CAMK2B: variants seen among roughly 807,000 people sequenced by gnomAD.
CAMK2B encodes the protein calcium/calmodulin-dependent protein kinase type II subunit beta.
In CAMK2B, 27 loss-of-function variants were observed where a neutral mutation model predicts 93.7. The ratio of observed to expected loss-of-function variants is 0.29; its 90% CI spans 0.21 to 0.40. The LOEUF is 0.40. CAMK2B is among the 10% of genes least tolerant of loss of function. CAMK2B has a pLI of 1.00. For synonymous variants in CAMK2B, 374 were observed against 358.8 expected, an observed-to-expected ratio of 1.04 and a Z score of -0.48; for missense variants, 568 against 895.8, an observed-to-expected ratio of 0.63 and a Z score of 4.67.
intron 1 of CAMK2B, among the ~76,000 whole-genome samples, chr7:44,300,344 T>C (rs988176549): frequency 6.6e-6 from 1 of 152,046 alleles, no homozygotes; most frequent in Non-Finnish European, 1.5e-5. Context: ...CTATATATAG[T>C]AGAGACACGG....
At chr7:44,246,442 G>C (rs542708695) in intron 6 of CAMK2B, among the ~76,000 whole-genome samples, 17 of 151,280 alleles carry the variant, frequency 1.1e-4, no homozygotes, top group Admixed American at 8.5e-4. Flanking sequence ...TGCCCACACA[G>C]ACACACACAC....
chr7:44,234,064 G>A (rs1221814541), intron 15 of CAMK2B, among the ~76,000 whole-genome samples: 1 of 152,194 alleles, frequency 6.6e-6, no homozygotes, highest in Non-Finnish European at 1.5e-5. Context: ...CTGCCTCACT[G>A]ACTTCCTGAA....
intron 5 of CAMK2B, among the ~76,000 whole-genome samples, chr7:44,249,865 T>C (rs2128995996): frequency 6.6e-6 from 1 of 152,224 alleles, no homozygotes; most frequent in Non-Finnish European, 1.5e-5. Context: ...GACTCCACAG[T>C]TGGCTCGCCC....
At position 44,220,245 on chromosome 7, in the gene CAMK2B, G is replaced by A. The variant is rs747922885; in HGVS notation, c.1818C>T (p.His606=). 48 of 1,613,206 alleles carry A rather than the reference G, an allele frequency of 3.0e-5. 1 individual carries two copies. Among genetic ancestry groups the A allele is most frequent in the South Asian group, 9.9e-5 (9 of 91,084 alleles). ...CGGCATCCTCTCCAATGACGTGCAC[G>A]TGTGGGTTCAGGATGGTCGTGTGGA... ...KPIHTTILNP[H]VHVIGEDAAC... The change falls in exon 23 of 24, where the codon CAC becomes CAT. Residue 606 remains histidine, a synonymous_variant. Transcript: ENST00000395749.
intron 1 of CAMK2B, among the ~76,000 whole-genome samples, chr7:44,303,482 G>A (rs931839358): frequency 2.6e-5 from 4 of 152,138 alleles, no homozygotes; most frequent in African/African-American, 4.8e-5. Context: ...AAAGTCTGAG[G>A]TTTGTGAATA....
chr7:44,278,921 G>T lies in CAMK2B; in HGVS notation c.160+5210C>A, dbSNP rs376638998. Among the ~76,000 whole-genome samples the T allele has an allele frequency of 1.5e-4, 23 of 152,334 alleles. No homozygotes were observed. The East Asian group carries it at 2.7e-3, about 18-fold the overall frequency. ...GCTCCACTGTGATCTATGCTGTGTGGCTACAGCGGGGCCCCCGGGGTGTGA... is the reference window on the plus strand; with the variant it reads ...GCTCCACTGTGATCTATGCTGTGTGTCTACAGCGGGGCCCCCGGGGTGTGA... On this transcript the variant is annotated intron_variant, in intron 2 of 23. Transcript: ENST00000395749.
At position 44,218,897 on chromosome 7, in the gene CAMK2B, C is replaced by A. The variant is rs2096364073; in HGVS notation, c.*628G>T. The A allele has an allele frequency of 6.6e-6, 1 of 152,246 alleles. No homozygotes were observed. The highest frequency in any genetic ancestry group is 2.4e-5 in the African/African-American group (1 of 41,416). 9.4% of individuals were successfully genotyped at this position (152,246 alleles called of 1,614,324 possible). A position where few individuals can be genotyped will look rare whatever the true frequency, so the allele number is the denominator to read the frequency against. On this transcript the variant is annotated 3_prime_UTR_variant, in exon 24 of 24. Transcript: ENST00000395749. ...GTGGGGATACCGGGCACGGAAAACC[C>A]ACACCTAGCCCTTCAGGGGATGAAA...
intron 6 of CAMK2B, among the ~76,000 whole-genome samples, chr7:44,245,609 G>A (rs1332081482): frequency 1.3e-5 from 2 of 152,130 alleles, no homozygotes; most frequent in East Asian, 3.9e-4. Context: ...GGAGCACCTG[G>A]GGGCCCCCTC....
At chr7:44,276,018 T>C (rs2097033260) in intron 2 of CAMK2B, among the ~76,000 whole-genome samples, 2 of 151,702 alleles carry the variant, frequency 1.3e-5, no homozygotes, top group South Asian at 4.1e-4. Flanking sequence ...GGGTCCAAGC[T>C]CTAAAGCTGT....
chr7:44,316,699 A>G (rs1794901001), intron 1 of CAMK2B, among the ~76,000 whole-genome samples: 1 of 152,200 alleles, frequency 6.6e-6, no homozygotes, highest in Non-Finnish European at 1.5e-5. Flanking sequence ...TACTTGTTAT[A>G]GGTCTATTCA....
chr7:44,229,495 C>T lies in CAMK2B; in HGVS notation c.1232G>A (p.Arg411Lys), dbSNP rs1554364694. 1 of 1,430,744 alleles carries T rather than the reference C, an allele frequency of 7.0e-7. No individual in the cohort carries two copies. Among genetic ancestry groups the T allele is most frequent in the Non-Finnish European group, 9.2e-7 (1 of 1,089,906 alleles). 88.6% of individuals were successfully genotyped at this position (1,430,744 alleles called of 1,614,324 possible). Residue 411 changes from arginine to lysine, a missense_variant, in exon 18 of 24, where the codon AGG becomes AAG. Transcript: ENST00000395749. ...TIEDEDAKAP[R>K]VPDILSSVRR... ...CACTGAGCTCAGGATGTCGGGGACCCTGGGGGCTGAGGCGGAACAGGTGAG... is the reference window on the plus strand; with the variant it reads ...CACTGAGCTCAGGATGTCGGGGACCTTGGGGGCTGAGGCGGAACAGGTGAG...
chr7:44,222,992 TGAG>T (rs1370045731), intron 20 of CAMK2B, among the ~76,000 whole-genome samples: 3 of 152,198 alleles, frequency 2.0e-5, no homozygotes, highest in African/African-American at 4.8e-5. Flanking sequence ...CGATGGCACC[TGAG>T]GAGTGGGGTG....
chr7:44,223,471 T>C (rs2096437017), intron 20 of CAMK2B, among the ~76,000 whole-genome samples: 1 of 152,162 alleles, frequency 6.6e-6, no homozygotes, highest in Non-Finnish European at 1.5e-5. Context: ...ACGAGTCCCA[T>C]TCCTGCCCCA....
intron 2 of CAMK2B, among the ~76,000 whole-genome samples, chr7:44,265,433 G>A (rs754924763): frequency 8.5e-5 from 13 of 152,230 alleles, no homozygotes; most frequent in Admixed American, 2.0e-4. Context: ...ACATCGCCAC[G>A]GGACGTGTGG....
rs1554345535 is a variant in CAMK2B, at chr7:44,219,283, G to GC, written c.*241_*242insG. Reference sequence around the variant, plus strand: ...CTTTTTCCTTCCTTTAGTTTTTTTTGTTTTTTTTTTTTTTCATTTCATCTG... The same window carrying GC: ...CTTTTTCCTTCCTTTAGTTTTTTTTGCTTTTTTTTTTTTTTCATTTCATCTG... On this transcript the variant is annotated 3_prime_UTR_variant, in exon 24 of 24. Transcript: ENST00000395749. The GC allele has an allele frequency of 1.2e-5, 1 of 81,666 alleles. No homozygotes were observed. The highest frequency in any genetic ancestry group is 2.4e-5 in the Non-Finnish European group (1 of 41,578). The allele number at this position is 81,666 out of a possible 1,614,324, so 5.1% of individuals were successfully genotyped here.
At chr7:44,242,363 G>C (rs558563163) in intron 9 of CAMK2B, 23 bp from the exon 10 acceptor site, 1 of 1,606,870 alleles carries the variant, frequency 6.2e-7, no homozygotes, top group South Asian at 1.1e-5. Flanking sequence ...ACAGCGCCCC[G>C]GCCGGGCCTG....
rs892168320 is a variant in CAMK2B at position 44,248,394 on chromosome 7, G to A, written c.342-1202C>T. On this transcript the variant is annotated intron_variant, in intron 5 of 23. Coordinates refer to ENST00000395749, the MANE Select transcript of CAMK2B (RefSeq NM_001220.5). This position sits in a 1 kb window ranked among gnomAD's most constrained non-coding sequence, Gnocchi z 4.1. Reference sequence around the variant, plus strand: ...CGTGGCTTGAATCTGCTTCTGCCCAGGTGCCCCTGGAGCCCAACACAAGCC... The same window carrying A: ...CGTGGCTTGAATCTGCTTCTGCCCAAGTGCCCCTGGAGCCCAACACAAGCC... Among the ~76,000 whole-genome samples, 2 of 152,070 alleles carry A rather than the reference G, an allele frequency of 1.3e-5. No individual in the cohort carries two copies. Among genetic ancestry groups the A allele is most frequent in the African/African-American group, 2.4e-5 (1 of 41,408 alleles).
chr7:44,219,832 CT>C (rs1181847155), intron 23 of CAMK2B, among the ~76,000 whole-genome samples: 1 of 152,188 alleles, frequency 6.6e-6, no homozygotes, highest in Non-Finnish European at 1.5e-5. Flanking sequence ...CCAGTGTGGA[CT>C]GCTCAGGCCC....
chr7:44,296,132 TCA>T (rs1788252747), intron 1 of CAMK2B, among the ~76,000 whole-genome samples: 1 of 152,150 alleles, frequency 6.6e-6, no homozygotes, highest in Non-Finnish European at 1.5e-5. Context: ...AGAACCAGAC[TCA>T]GATATGGCAT....
Sources: gnomAD v4.1 joint callset for allele counts (sites outside exome capture counted in the v4.1 genomes callset) on GRCh38, gnomAD v4.1.1 for gene constraint, Gnocchi (gnomAD v3.1) non-coding constraint, MANE v1.5 for transcripts, NCBI Gene and HGNC (gene_info 2026-07-23, HGNC 2026-07-21) for gene names.